The following OTOF variants were observed in gnomAD, a reference collection of about 807,000 sequenced individuals.
OTOF encodes fer-1-like family member 2.
A neutral mutation model predicts 236.8 loss-of-function variants in OTOF; 218 were observed. The ratio of observed to expected loss-of-function variants is 0.92; its 90% CI spans 0.82 to 1.03. The LOEUF (loss-of-function observed/expected upper bound fraction) is 1.03, where lower values mean the gene tolerates loss of function less well. Among genes scored for constraint, OTOF ranks in the 50% least tolerant of loss-of-function variants. The probability of loss-of-function intolerance (pLI) is 0.00; values close to 1 mark genes in which losing one functional copy is unlikely to be tolerated. For synonymous variants in OTOF, 1,041 were observed against 1,072.5 expected, an observed-to-expected ratio of 0.97 and a Z score of 0.57; for missense variants, 2,590 against 2,694.4, an observed-to-expected ratio of 0.96 and a Z score of 0.86.
In OTOF at chr2:26,474,509, C is replaced by T; in HGVS notation, c.3288+4G>A. ...GCCTCAGCCCCTCTTCCCTGCAGTC[C>T]CACCTGCAGCAGCTCGAAGGCCGCC... On this transcript the variant is annotated splice_donor_region_variant and intron_variant, in intron 26 of 46. Coordinates refer to ENST00000272371, the MANE Select transcript of OTOF (RefSeq NM_194248.3). 1 of 1,597,654 alleles carries T rather than the reference C, an allele frequency of 6.3e-7. No individual in the cohort carries two copies. The highest frequency in any genetic ancestry group is 8.5e-7 in the Non-Finnish European group (1 of 1,172,158).
chr2:26,474,070 C>T lies in OTOF; in HGVS notation c.3329G>A (p.Gly1110Asp). ...AGKADLPPIN[G>D]PVDVDRGPIM... ...GGGACCTCGGTCCACGTCCACCGGG[C>T]CATTGATGGGGGGCAGGTCAGCCTT... The change falls in exon 27 of 47, where the codon GGC becomes GAC. Residue 1110 changes from glycine to aspartate, a missense_variant. Coordinates refer to ENST00000272371, the MANE Select transcript of OTOF (RefSeq NM_194248.3). 6.2e-7 allele frequency: 1 copy of T among 1,612,970 alleles called. No homozygotes were observed. Among genetic ancestry groups the T allele is most frequent in the Non-Finnish European group, 8.5e-7 (1 of 1,179,862 alleles).
Position 26,473,118 on chromosome 2 carries a change from G to A in OTOF, c.3733+14C>T, listed in dbSNP as rs779857874. On this transcript the variant is annotated intron_variant, in intron 29 of 46. Transcript: ENST00000272371. The surrounding 1 kb of genome is among the most constrained non-coding windows in gnomAD (Gnocchi z 7.2). ...GTGGAGCCAGGCTTGGTGGCAGGGT[G>A]GATGTGGCCATACCCGTGGTGTTCC... 1 of 1,608,636 alleles carries A rather than the reference G, an allele frequency of 6.2e-7. No homozygotes were observed.
rs80356585 is a variant in OTOF, at chr2:26,482,516, G to T, written c.1469C>A (p.Pro490Gln). ...CTGCACCTTCATGCGTTTGCAGAGTGGGGGGAAGAGGTCTGTAAAGACGAC... is the reference window on the plus strand; with the variant it reads ...CTGCACCTTCATGCGTTTGCAGAGTTGGGGGAAGAGGTCTGTAAAGACGAC... ...EQVVFTDLFP[P>Q]LCKRMKVQIR... Residue 490 changes from proline (P) to glutamine (Q), a missense_variant, in exon 14 of 47, where the codon CCA becomes CAA. Coordinates refer to ENST00000272371, the MANE Select transcript of OTOF (RefSeq NM_194248.3). 2.9e-5 allele frequency: 47 copies of T among 1,613,058 alleles called. No homozygotes were observed. The highest frequency in any genetic ancestry group is 2.0e-4 in the Admixed American group (12 of 60,004).
At chr2:26,557,154 T>G (rs1667612234) in intron 1 of OTOF, among the ~76,000 whole-genome samples, 1 of 152,060 alleles carries the variant, frequency 6.6e-6, no homozygotes, top group Non-Finnish European at 1.5e-5. Context: ...TCTGGGTAGG[T>G]GATGTGGGTG....
intron 1 of OTOF, among the ~76,000 whole-genome samples, chr2:26,549,067 A>G (rs1010478325): frequency 3.3e-5 from 5 of 152,194 alleles, no homozygotes; most frequent in African/African-American, 1.2e-4. Context: ...TAAAATGATA[A>G]ATGTTAATAT....
In OTOF at chr2:26,470,703, T is replaced by TCTC. The variant is rs1158007930; in HGVS notation, c.3910_3912dup (p.Glu1304dup). The TCTC allele has an allele frequency of 1.9e-6, 3 of 1,612,362 alleles. No homozygotes were observed. The highest frequency in any genetic ancestry group is 1.7e-5 in the Admixed American group (1 of 59,962). ...GCAGTGCCCTTCTTCTTCTTCTTCT[T>TCTC]CTCCTTCTCCTCCTCAGCCTGCAGG... On this transcript the variant is annotated inframe_insertion, in exon 32 of 47. Transcript: ENST00000272371. This position sits in a 1 kb window ranked among gnomAD's most constrained non-coding sequence, Gnocchi z 4.3.
chr2:26,460,204 G>A lies in OTOF; in HGVS notation c.5815C>T (p.Arg1939Trp), dbSNP rs368790049. 8.7e-6 allele frequency: 14 copies of A among 1,600,256 alleles called. No individual in the cohort carries two copies. Among genetic ancestry groups the A allele is most frequent in the African/African-American group, 4.0e-5 (3 of 74,682 alleles). Residue 1939 changes from arginine to tryptophan, a missense_variant and splice_region_variant, in exon 46 of 47, where the codon CGG (arginine) becomes TGG (tryptophan). This residue lies in a region of OTOF where 1,211 missense variants were observed against 1,352.8 expected (regional missense o/e 0.90). Transcript: ENST00000272371. This position sits in a 1 kb window ranked among gnomAD's most constrained non-coding sequence, Gnocchi z 5.3. ...AACCAGATGAAGCTCGTGTCGGGCC[G>A]GCTGGAGTATGAAGGGTAGAGAGCG... is the stretch of plus-strand genomic sequence containing the variant. Reference protein sequence around the residue: ...NEPDPLEKPNRPDTSFIWFLN... With the variant: ...NEPDPLEKPNWPDTSFIWFLN...
chr2:26,558,521 G>T lies in OTOF; in HGVS notation c.51C>A (p.Gly17=), dbSNP rs142333075. ...LKTVSELRGR[G]DRIAKVTFRG... ...GGAAAGTCACTTTGGCGATCCGGTCGCCCCTGCCCCGCAGCTCCGAGACTG... is the reference window on the plus strand; with the variant it reads ...GGAAAGTCACTTTGGCGATCCGGTCTCCCCTGCCCCGCAGCTCCGAGACTG... Residue 17 remains glycine (G), a synonymous_variant, in exon 1 of 47, where the codon GGC becomes GGA. Coordinates refer to ENST00000272371, the MANE Select transcript of OTOF (RefSeq NM_194248.3). The T allele has an allele frequency of 1.2e-6, 2 of 1,613,854 alleles. No homozygotes were observed. Among genetic ancestry groups the T allele is most frequent in the South Asian group, 1.1e-5 (1 of 91,078 alleles).
Position 26,479,587 on chromosome 2 carries a change from C to T in OTOF, c.1979G>A (p.Gly660Glu). The change falls in exon 17 of 47, where the codon GGG becomes GAG. Residue 660 changes from glycine to glutamate, a missense_variant. Transcript: ENST00000272371. ...PQRPRPRKEP[G>E]DEEEVDLIQN... ...AATCAGGTCTACTTCTTCCTCATCC[C>T]CCGGCTCCTTCCGGGGCCGAGGCCG... 5 of 1,612,742 alleles carry T rather than the reference C, an allele frequency of 3.1e-6. No homozygotes were observed. The South Asian group carries it at 5.5e-5, about 18-fold the overall frequency.
chr2:26,499,545 T>C lies in OTOF; in HGVS notation c.765+2209A>G, dbSNP rs191824513. Reference sequence around the variant, plus strand: ...TCTTTTGAGACAAGGTCTCCCTCTGTTGCCCAGGTTGGAGTGCAGTGGTGC... The same window carrying C: ...TCTTTTGAGACAAGGTCTCCCTCTGCTGCCCAGGTTGGAGTGCAGTGGTGC... On this transcript the variant is annotated intron_variant, in intron 8 of 46. Coordinates refer to ENST00000272371, the MANE Select transcript of OTOF (RefSeq NM_194248.3). Among the ~76,000 whole-genome samples the C allele has an allele frequency of 1.4e-3, 206 of 152,330 alleles. 1 individual carries two copies. The highest frequency in any genetic ancestry group is 3.4e-3 in the Middle Eastern group (1 of 294).
intron 38 of OTOF, 108 bp from the exon 39 acceptor site, chr2:26,465,137 A>C: frequency 2.1e-6 from 2 of 963,122 alleles, no homozygotes; most frequent in Non-Finnish European, 3.0e-6. Flanking sequence ...CCTCATCAGC[A>C]AGTGAGCCTG....
chr2:26,493,021 C>A (rs762435039), intron 9 of OTOF, among the ~76,000 whole-genome samples: 1 of 152,088 alleles, frequency 6.6e-6, no homozygotes, highest in Non-Finnish European at 1.5e-5. Context: ...AAGTAACCAC[C>A]GGGGCCACAG....
At chr2:26,538,141 T>G (rs1667120783) in intron 1 of OTOF, among the ~76,000 whole-genome samples, 2 of 152,192 alleles carry the variant, frequency 1.3e-5, no homozygotes, top group Admixed American at 1.3e-4. Flanking sequence ...TCAGCTCTGC[T>G]GGTGGCTCCG....
intron 9 of OTOF, 110 bp from the exon 10 acceptor site, chr2:26,489,850 C>T (rs966431416): frequency 1.2e-6 from 1 of 829,310 alleles, no homozygotes; most frequent in Non-Finnish European, 2.1e-6. Flanking sequence ...AGACATTTGC[C>T]CTGAGCCCCA....
chr2:26,493,996 A>G (rs1361565056), intron 9 of OTOF, among the ~76,000 whole-genome samples: 1 of 152,088 alleles, frequency 6.6e-6, no homozygotes. Flanking sequence ...TTGATGAGTG[A>G]GTGTATTTCT....
In OTOF at chr2:26,473,470, G is replaced by T; in HGVS notation, c.3506C>A (p.Ser1169Ter). Residue 1169 changes from serine to a stop codon, truncating the protein, a stop_gained, in exon 28 of 47, where the codon TCG becomes TAG. Transcript: ENST00000272371. LOFTEE classifies it high-confidence loss of function. The surrounding 1 kb of genome is among the most constrained non-coding windows in gnomAD (Gnocchi z 7.2). ...CTTCTTATAATTGTGGATCAGGGAC[G>T]ACTGCACCCCCTTCCCTGCACACTC... is the stretch of plus-strand genomic sequence containing the variant. ...DIECAGKGVQ[S>*]SLIHNYKKNP... 1 of 1,613,244 alleles carries T rather than the reference G, an allele frequency of 6.2e-7. No homozygotes were observed. Among genetic ancestry groups the T allele is most frequent in the Non-Finnish European group, 8.5e-7 (1 of 1,179,982 alleles).
intron 46 of OTOF, 22 bp from the exon 47 acceptor site, chr2:26,458,242 C>A: frequency 6.4e-7 from 1 of 1,558,440 alleles, no homozygotes; most frequent in Non-Finnish European, 8.7e-7. Context: ...AAGAGAGGAG[C>A]CGGTCAGCCA....
At position 26,501,857 on chromosome 2, in the gene OTOF, T is replaced by G. The variant is rs6547079; in HGVS notation, c.711-49A>C. ...GGCCTGGGGTATGGGGACTGCTTGT[T>G]GGGGAGGAGGACACTGGCAGTGGTT... On this transcript the variant is annotated intron_variant, in intron 7 of 46. Transcript: ENST00000272371. The G allele has an allele frequency of 0.59, 832,310 of 1,408,300 alleles. 249,822 individuals are homozygous for G. Among genetic ancestry groups the G allele is most frequent in the East Asian group, 0.87 (38,104 of 43,912 alleles). 87.2% of individuals were successfully genotyped at this position (1,408,300 alleles called of 1,614,324 possible). A position where few individuals can be genotyped will look rare whatever the true frequency, so the allele number is the denominator to read the frequency against.
intron 34 of OTOF, 49 bp downstream of exon 34, chr2:26,467,316 C>T (rs1014404115): frequency 1.2e-6 from 2 of 1,613,828 alleles, no homozygotes; most frequent in Non-Finnish European, 1.7e-6. Flanking sequence ...CTGCGCCCCC[C>T]TCTTCCCGCC....
Sources: gnomAD v4.1 joint callset for allele counts (sites outside exome capture counted in the v4.1 genomes callset) on GRCh38, gnomAD v4.1.1 for gene constraint, gnomAD v4.1.1 regional missense constraint, Gnocchi (gnomAD v3.1) non-coding constraint, MANE v1.5 for transcripts, NCBI Gene and HGNC (gene_info 2026-07-23, HGNC 2026-07-21) for gene names.